HEPHL1: variants seen among roughly 807,000 people sequenced by gnomAD.
The protein encoded by HEPHL1 is ferroxidase HEPHL1.
Under a neutral mutation model 122.0 loss-of-function variants are expected in HEPHL1, and 123 were observed. The observed-to-expected ratio is 1.01, with a 90% CI of 0.87 to 1.17. The LOEUF is 1.17. HEPHL1 is among the 50% of genes most tolerant of loss of function. HEPHL1 has a pLI of 0.00. For synonymous variants in HEPHL1, 527 were observed against 508.9 expected, an observed-to-expected ratio of 1.04 and a Z score of -0.48; for missense variants, 1,452 against 1,430.5, an observed-to-expected ratio of 1.01 and a Z score of -0.24.
intron 1 of HEPHL1, among the ~76,000 whole-genome samples, chr11:94,023,399 A>G (rs1945597740): frequency 6.6e-6 from 1 of 152,230 alleles, no homozygotes; most frequent in African/African-American, 2.4e-5. Context: ...CAAACAAGTT[A>G]TCTGGGTTAA....
At position 94,104,578 on chromosome 11, in the gene HEPHL1, C is replaced by A. The variant is rs369967162; in HGVS notation, c.2733C>A (p.Val911=). The part of the protein sequence containing the change: ...MGPLITCRKG[V]LNEKGRRSDV... ...CTCTGATTACATGCCGAAAAGGAGT[C>A]TTGAATGAAAAGGGAAGAAGAAGTG... Residue 911 remains valine (V), a synonymous_variant, in exon 16 of 20, where the codon GTC becomes GTA. Coordinates refer to ENST00000315765, the MANE Select transcript of HEPHL1 (RefSeq NM_001098672.2). 1.2e-6 allele frequency: 2 copies of A among 1,613,668 alleles called. No homozygotes were observed. Among genetic ancestry groups the A allele is most frequent in the African/African-American group, 2.7e-5 (2 of 74,850 alleles).
chr11:94,061,252 G>A (rs967564024), intron 2 of HEPHL1, among the ~76,000 whole-genome samples: 5 of 152,140 alleles, frequency 3.3e-5, no homozygotes, highest in African/African-American at 1.2e-4. Context: ...TTGAATATCA[G>A]TGTAAAGTGC....
At position 94,113,925 on chromosome 11, in the gene HEPHL1, T is replaced by C. The variant is rs1391894922; in HGVS notation, c.*2031T>C. ...AAATAATATGACTTCTCAAACATTG[T>C]TTCCTCAAACATAACTACACTCCTT... On this transcript the variant is annotated 3_prime_UTR_variant, in exon 20 of 20. Transcript: ENST00000315765. Among the ~76,000 whole-genome samples the C allele has an allele frequency of 6.6e-6, 1 of 152,204 alleles. No individual in the cohort carries two copies. Among genetic ancestry groups the C allele is most frequent in the Non-Finnish European group, 1.5e-5 (1 of 68,032 alleles).
intron 1 of HEPHL1, among the ~76,000 whole-genome samples, chr11:94,039,477 C>T (rs2134410891): frequency 6.7e-6 from 1 of 149,806 alleles, no homozygotes; most frequent in African/African-American, 2.4e-5. Flanking sequence ...GGAAGTAAAG[C>T]TCTCCTCAGC....
intron 1 of HEPHL1, 123 bp downstream of exon 1, chr11:94,021,661 T>TGCCTGGCC: frequency 1.3e-6 from 1 of 756,364 alleles, no homozygotes. Flanking sequence ...AGAGAAGGTG[T>TGCCTGGCC]TTTGTTTTTT....
intron 1 of HEPHL1, among the ~76,000 whole-genome samples, chr11:94,042,883 A>AAAAAAAAAAAAAAAAAAAAAAAACAAAC (rs1555058775): frequency 7.6e-6 from 1 of 132,398 alleles, no homozygotes; most frequent in Non-Finnish European, 1.6e-5. Context: ...AATAAAAAAA[A>AAAAAAAAAAAAAAAAAAAAAAAACAAAC]AAAAAAAAAA....
chr11:94,091,582 C>A (rs1385658281), intron 12 of HEPHL1, among the ~76,000 whole-genome samples: 1 of 152,200 alleles, frequency 6.6e-6, no homozygotes, highest in Non-Finnish European at 1.5e-5. Context: ...GGAGGATAGA[C>A]AAGGTCCTTT....
chr11:94,024,071 C>T (rs2460051), intron 1 of HEPHL1, among the ~76,000 whole-genome samples: 75,970 of 152,012 alleles, frequency 0.5, 21,969 homozygotes, highest in Admixed American at 0.66. Context: ...TGTAATCATG[C>T]CCCTCTCTCA....
intron 3 of HEPHL1, 33 bp downstream of exon 3, chr11:94,063,753 T>G: frequency 6.4e-7 from 1 of 1,564,696 alleles, no homozygotes; most frequent in Non-Finnish European, 8.8e-7. Context: ...AACTAGGGAG[T>G]TGAAATGTGA....
At chr11:94,074,612 A>C (rs894961045) in intron 8 of HEPHL1, among the ~76,000 whole-genome samples, 1 of 152,146 alleles carries the variant, frequency 6.6e-6, no homozygotes, top group African/African-American at 2.4e-5. Flanking sequence ...GTTTTTTGGC[A>C]GTACGGTGTA....
chr11:94,111,960 G>A lies in HEPHL1; in HGVS notation c.*66G>A. ...AGCTGGCCAGATGGCAGCCAACAGGGAAACTGGACCAAGGCATCACTCACC... is the reference window on the plus strand; with the variant it reads ...AGCTGGCCAGATGGCAGCCAACAGGAAAACTGGACCAAGGCATCACTCACC... On this transcript the variant is annotated 3_prime_UTR_variant, in exon 20 of 20. Coordinates refer to ENST00000315765, the MANE Select transcript of HEPHL1 (RefSeq NM_001098672.2). The A allele has an allele frequency of 2.5e-6, 3 of 1,202,588 alleles. No homozygotes were observed. Among genetic ancestry groups the A allele is most frequent in the Non-Finnish European group, 3.4e-6 (3 of 876,494 alleles). 74.5% of individuals were successfully genotyped at this position (1,202,588 alleles called of 1,614,324 possible). A position where few individuals can be genotyped will look rare whatever the true frequency, so the allele number is the denominator to read the frequency against.
chr11:94,071,617 A>C lies in HEPHL1; in HGVS notation c.1232+1075A>C, dbSNP rs116220628. ...ATGAAAGCACAAAGTGCAAGATGAC[A>C]TGAGGGATGCAAGGATATCTAAAGC... On this transcript the variant is annotated intron_variant, in intron 6 of 19. Transcript: ENST00000315765. 9.5e-3 allele frequency among the ~76,000 whole-genome samples: 1,448 copies of C among 152,280 alleles called. 21 individuals carry two copies. Among genetic ancestry groups the C allele is most frequent in the African/African-American group, 0.033 (1,380 of 41,556 alleles).
chr11:94,027,288 T>C (rs1395100649), intron 1 of HEPHL1, among the ~76,000 whole-genome samples: 2 of 152,184 alleles, frequency 1.3e-5, no homozygotes, highest in African/African-American at 4.8e-5. Flanking sequence ...TAATCACATC[T>C]GCAAAGACCC....
chr11:94,081,679 G>C (rs914715998), intron 9 of HEPHL1, among the ~76,000 whole-genome samples: 3 of 152,082 alleles, frequency 2.0e-5, no homozygotes, highest in African/African-American at 7.2e-5. Flanking sequence ...ATGTATACTT[G>C]ATGCCTGCTT....
intron 1 of HEPHL1, among the ~76,000 whole-genome samples, chr11:94,033,830 C>T (rs1487622309): frequency 6.6e-6 from 1 of 152,184 alleles, no homozygotes; most frequent in Non-Finnish European, 1.5e-5. Flanking sequence ...GTATTGTCTT[C>T]AATGAGCTCA....
chr11:94,111,905 C>A lies in HEPHL1; in HGVS notation c.*11C>A. On this transcript the variant is annotated 3_prime_UTR_variant, in exon 20 of 20. Coordinates refer to ENST00000315765, the MANE Select transcript of HEPHL1 (RefSeq NM_001098672.2). ...ACGGATGCTCTGTGAACCATCTGGT[C>A]TCCCTCAACAGGAAAGGGTGATGTC... The A allele has an allele frequency of 6.7e-7, 1 of 1,501,366 alleles. No individual in the cohort carries two copies. Among genetic ancestry groups the A allele is most frequent in the Non-Finnish European group, 8.9e-7 (1 of 1,125,328 alleles). 93.0% of individuals were successfully genotyped at this position (1,501,366 alleles called of 1,614,324 possible).
At chr11:94,093,971 G>GATATATATATATATGTATATAT (rs1946284510) in intron 13 of HEPHL1, among the ~76,000 whole-genome samples, 1 of 72,746 alleles carries the variant, frequency 1.4e-5, no homozygotes, top group Non-Finnish European at 2.8e-5. Context: ...TCCTCCAGCA[G>GATATATATATATATGTATATAT]ATATATATAT....
intron 1 of HEPHL1, among the ~76,000 whole-genome samples, chr11:94,035,173 C>T (rs1033878234): frequency 6.6e-6 from 1 of 152,168 alleles, no homozygotes; most frequent in African/African-American, 2.4e-5. Context: ...CTTTCTCAAG[C>T]TCTTCCTTCT....
intron 1 of HEPHL1, among the ~76,000 whole-genome samples, chr11:94,034,197 C>T (rs576129235): frequency 2.6e-5 from 4 of 152,184 alleles, no homozygotes; most frequent in South Asian, 4.1e-4. Flanking sequence ...TCCTTCTTCC[C>T]AGCTTGACTC....
Sources: allele counts gnomAD v4.1 joint callset (sites outside exome capture counted in the v4.1 genomes callset), GRCh38; gene constraint gnomAD v4.1.1; transcripts MANE v1.5; gene names NCBI Gene and HGNC (gene_info 2026-07-23, HGNC 2026-07-21).